The following ASIC2 variants were observed in gnomAD, a reference collection of about 807,000 sequenced individuals.
ASIC2 encodes acid-sensing ion channel 2.
A neutral mutation model predicts 57.3 loss-of-function variants in ASIC2; 25 were observed. The observed-to-expected ratio is 0.44, with a 90% confidence interval of 0.32 to 0.61. The LOEUF (loss-of-function observed/expected upper bound fraction) is 0.61, where lower values mean the gene tolerates loss of function less well. Ranked by LOEUF, ASIC2 falls within the 20% of genes least tolerant of loss-of-function variation. The probability of loss-of-function intolerance (pLI) is 0.06; values close to 1 mark genes in which losing one functional copy is unlikely to be tolerated. For missense variants in ASIC2, 641 were observed against 738.1 expected (o/e 0.87, Z 1.52); for synonymous variants, 319 against 307.5 (o/e 1.04, Z -0.39).
At chr17:33,275,173 C>G (rs946251261) in intron 1 of ASIC2, among the ~76,000 whole-genome samples, 1 of 152,124 alleles carries the variant, frequency 6.6e-6, no homozygotes, top group Admixed American at 6.5e-5. Flanking sequence ...GGCACTCCTG[C>G]GAGCCAAAGT....
intron 1 of ASIC2, among the ~76,000 whole-genome samples, chr17:33,359,422 C>T (rs1193045831): frequency 6.6e-6 from 1 of 152,108 alleles, no homozygotes; most frequent in Non-Finnish European, 1.5e-5. Context: ...GTCAATTGAA[C>T]ATGAATCCAT....
chr17:33,020,101 C>A (rs926050268), intron 7 of ASIC2, among the ~76,000 whole-genome samples: 18 of 152,066 alleles, frequency 1.2e-4, no homozygotes, highest in Non-Finnish European at 1.9e-4. Flanking sequence ...CCAGCTGGGA[C>A]CGAGCTATGG....
chr17:33,422,384 C>G (rs1334011781), intron 1 of ASIC2, among the ~76,000 whole-genome samples: 1 of 152,156 alleles, frequency 6.6e-6, no homozygotes, highest in African/African-American at 2.4e-5. Flanking sequence ...GTAGGGCATG[C>G]CAGGTGATGC....
intron 1 of ASIC2, among the ~76,000 whole-genome samples, chr17:33,169,988 A>G (rs1450844713): frequency 2.0e-5 from 3 of 152,198 alleles, no homozygotes; most frequent in African/African-American, 7.2e-5. Flanking sequence ...GTCCATTTAT[A>G]TCAGAGCCAA....
At chr17:34,142,921 T>C (rs1333316265) in intron 1 of ASIC2, 3 of 152,160 alleles carry the variant, frequency 2.0e-5, no homozygotes, top group Non-Finnish European at 4.4e-5. Flanking sequence ...CTTGGAGAAA[T>C]GTCAAGTGTT....
intron 1 of ASIC2, among the ~76,000 whole-genome samples, chr17:33,262,830 T>A (rs1024861463): frequency 6.6e-6 from 1 of 152,106 alleles, no homozygotes; most frequent in Non-Finnish European, 1.5e-5. Context: ...AGGGTCAGAA[T>A]GGGGTGAACA....
intron 1 of ASIC2, among the ~76,000 whole-genome samples, chr17:33,613,943 G>A (rs1040126297): frequency 2.0e-5 from 3 of 152,082 alleles, no homozygotes; most frequent in South Asian, 2.1e-4. Flanking sequence ...TGACTATAAT[G>A]AATATTCCTG....
chr17:33,158,303 G>A (rs73982438), intron 1 of ASIC2, among the ~76,000 whole-genome samples: 4 of 138,956 alleles, frequency 2.9e-5, no homozygotes, highest in Admixed American at 1.4e-4. Context: ...GAATGAATGA[G>A]TGAATCCTGC....
At chr17:33,946,328 C>T (rs901758056) in intron 1 of ASIC2, among the ~76,000 whole-genome samples, 3 of 152,002 alleles carry the variant, frequency 2.0e-5, no homozygotes, top group Non-Finnish European at 4.4e-5. Context: ...CTGGGGGGCC[C>T]GAGGCTGGAG....
chr17:33,705,235 C>A (rs1908828564), intron 1 of ASIC2, among the ~76,000 whole-genome samples: 1 of 152,172 alleles, frequency 6.6e-6, no homozygotes, highest in Admixed American at 6.5e-5. Flanking sequence ...AATTGAAAGT[C>A]TCCCAGAATT....
intron 1 of ASIC2, among the ~76,000 whole-genome samples, chr17:33,345,945 G>A (rs996533131): frequency 2.6e-5 from 4 of 152,076 alleles, no homozygotes; most frequent in Non-Finnish European, 5.9e-5. Context: ...AAACAAGGAG[G>A]CCAGGCGTGG....
At chr17:33,979,291 G>A (rs1418059287) in intron 1 of ASIC2, among the ~76,000 whole-genome samples, 3 of 152,112 alleles carry the variant, frequency 2.0e-5, no homozygotes, top group African/African-American at 7.2e-5. Flanking sequence ...CATGAGACCT[G>A]GTATAGCTGC....
Position 33,623,527 on chromosome 17 carries a change from A to C in ASIC2, c.556-511460T>G, listed in dbSNP as rs573194562. 3 of 151,772 alleles carry C rather than the reference A, an allele frequency of 2.0e-5. No individual in the cohort carries two copies. The East Asian group carries it at 5.8e-4, about 29-fold the overall frequency. The allele number at this position is 151,772 out of a possible 1,614,324, so 9.4% of individuals were successfully genotyped here. On this transcript the variant is annotated intron_variant, in intron 1 of 9. Transcript: ENST00000359872. The stretch of plus-strand genomic sequence containing the variant: ...CGTGATCTGCCCGCCTCAGCCTCCC[A>C]AAGTGCTGAGATTACAGGTGTGGGA...
chr17:33,259,980 T>G (rs1909220476), intron 1 of ASIC2, among the ~76,000 whole-genome samples: 1 of 152,128 alleles, frequency 6.6e-6, no homozygotes, highest in Non-Finnish European at 1.5e-5. Context: ...TTAAAGATGC[T>G]GAGGGATATT....
chr17:33,060,131 A>G (rs1320767363), intron 3 of ASIC2, among the ~76,000 whole-genome samples: 1 of 152,094 alleles, frequency 6.6e-6, no homozygotes, highest in Non-Finnish European at 1.5e-5. Flanking sequence ...CTCTGATGGT[A>G]GTTTCTTTTG....
rs189062409 is a variant in ASIC2, at chr17:33,323,068, T to C, written c.556-211001A>G. Among the ~76,000 whole-genome samples, 178 of 152,262 alleles carry C rather than the reference T, an allele frequency of 1.2e-3. 2 individuals carry two copies. Among genetic ancestry groups the C allele is most frequent in the Non-Finnish European group, 2.4e-4 (16 of 68,012 alleles). The stretch of plus-strand genomic sequence containing the variant: ...TTTAACAAACAAGACATAACTGAAC[T>C]CTCACATGCTGCTGGTAGGAGTGCA... On this transcript the variant is annotated intron_variant, in intron 1 of 9. Coordinates refer to the ASIC2 transcript ENST00000359872.
chr17:33,577,430 A>AC (rs2141996022), intron 1 of ASIC2, among the ~76,000 whole-genome samples: 1 of 152,280 alleles, frequency 6.6e-6, no homozygotes, highest in Admixed American at 6.5e-5. Flanking sequence ...GGGCAGCCTG[A>AC]CATGGGATTC....
At chr17:33,764,722 A>C (rs2142115303) in intron 1 of ASIC2, among the ~76,000 whole-genome samples, 1 of 152,268 alleles carries the variant, frequency 6.6e-6, no homozygotes, top group East Asian at 1.9e-4. Flanking sequence ...TACAGCCCTT[A>C]TGGTCCAATC....
At chr17:33,157,924 T>G (rs1272433235) in intron 1 of ASIC2, among the ~76,000 whole-genome samples, 4 of 152,248 alleles carry the variant, frequency 2.6e-5, no homozygotes, top group Non-Finnish European at 5.9e-5. Context: ...GGGCTCACAC[T>G]GCTTTCCTGA....
Sources: allele counts gnomAD v4.1 joint callset (sites outside exome capture counted in the v4.1 genomes callset), GRCh38; gene constraint gnomAD v4.1.1; transcripts MANE v1.5; gene names NCBI Gene and HGNC (gene_info 2026-07-23, HGNC 2026-07-21).